The following FGD4 variants were observed in gnomAD, a reference collection of about 807,000 sequenced individuals.
FGD4 encodes the protein FYVE, RhoGEF and PH domain containing 4, also known as FYVE, RhoGEF and PH domain-containing protein 4.
In FGD4, 42 loss-of-function variants were observed where a neutral mutation model predicts 102.0. That is an observed-to-expected ratio of 0.41 (90% CI 0.32 to 0.53). The LOEUF (loss-of-function observed/expected upper bound fraction) is 0.53. Ranked by LOEUF, FGD4 falls within the 20% of genes least tolerant of loss-of-function variation. The probability of loss-of-function intolerance (pLI) is 0.21; values close to 1 mark genes in which losing one functional copy is unlikely to be tolerated. For synonymous variants in FGD4, 380 were observed against 375.7 expected (o/e 1.01, Z -0.13); for missense variants, 902 against 1,078.2 (o/e 0.84, Z 2.29).
rs2136938972 is a variant in FGD4, at chr12:32,625,077, A to G, written c.2046+9A>G. On this transcript the variant is annotated intron_variant, in intron 13 of 16. Transcript: ENST00000534526. Reference sequence around the variant, plus strand: ...TTCACTCAGAGGTTTCTGTGAGTTGAATTAAATTCTTAACTTCAACCTCTT... The same window carrying G: ...TTCACTCAGAGGTTTCTGTGAGTTGGATTAAATTCTTAACTTCAACCTCTT... 1 of 1,607,770 alleles carries G rather than the reference A, an allele frequency of 6.2e-7. No individual in the cohort carries two copies. The highest frequency in any genetic ancestry group is 1.7e-4 in the Middle Eastern group (1 of 6,020).
intron 14 of FGD4, 100 bp from the exon 15 acceptor site, chr12:32,633,449 T>A (rs1004486807): frequency 1.5e-6 from 2 of 1,317,866 alleles, no homozygotes; most frequent in Non-Finnish European, 2.1e-6. Context: ...ATCTGCCTTC[T>A]ATGCTTAACA....
At chr12:32,581,478 T>C (rs903748762) in intron 3 of FGD4, among the ~76,000 whole-genome samples, 1 of 152,132 alleles carries the variant, frequency 6.6e-6, no homozygotes, top group Non-Finnish European at 1.5e-5. Flanking sequence ...GCCTTCCAAA[T>C]AAAAAACTCT....
At chr12:32,459,900 G>A (rs140929404) in intron 1 of FGD4, among the ~76,000 whole-genome samples, 1 of 151,354 alleles carries the variant, frequency 6.6e-6, no homozygotes, top group Non-Finnish European at 1.5e-5. Flanking sequence ...GGAGAGACGT[G>A]GTCTCATGTT....
chr12:32,508,366 T>C (rs963404693), intron 1 of FGD4, among the ~76,000 whole-genome samples: 3 of 152,224 alleles, frequency 2.0e-5, no homozygotes, highest in African/African-American at 7.2e-5. Flanking sequence ...ACTGGCAGTT[T>C]AAATGATGGA....
At chr12:32,625,456 G>A (rs1950100524) in intron 13 of FGD4, among the ~76,000 whole-genome samples, 198 bp from the exon 14 acceptor site, 1 of 151,782 alleles carries the variant, frequency 6.6e-6, no homozygotes, top group African/African-American at 2.4e-5. Flanking sequence ...TTTTAGTAGA[G>A]AGAGGGTTTC....
intron 9 of FGD4, 104 bp downstream of exon 9, chr12:32,610,938 G>A (rs1429929727): frequency 3.0e-6 from 4 of 1,338,922 alleles, no homozygotes; most frequent in South Asian, 2.4e-5. Context: ...AAATAGATGA[G>A]CCAAAAAGAA....
At chr12:32,475,628 G>A (rs567253937) in intron 1 of FGD4, among the ~76,000 whole-genome samples, 1 of 152,322 alleles carries the variant, frequency 6.6e-6, no homozygotes, top group South Asian at 2.1e-4. Context: ...AAACTGTGAT[G>A]ATCCAGCCCA....
chr12:32,527,436 C>CT (rs58360232), intron 1 of FGD4, among the ~76,000 whole-genome samples: 34 of 149,404 alleles, frequency 2.3e-4, no homozygotes, highest in East Asian at 1.4e-3. Flanking sequence ...CCTGGCCAGA[C>CT]TTTTTTTTTT....
rs1215786683 is a variant in FGD4, at chr12:32,511,319, A to G, written c.167-52818A>G. 4 of 152,032 alleles carry G rather than the reference A, an allele frequency of 2.6e-5. No homozygotes were observed. In the East Asian group the frequency reaches 7.7e-4, roughly 29 times the overall value. 9.4% of individuals were successfully genotyped at this position (152,032 alleles called of 1,614,324 possible). A position where few individuals can be genotyped will look rare whatever the true frequency, so the allele number is the denominator to read the frequency against. On this transcript the variant is annotated intron_variant, in intron 1 of 16. Coordinates refer to ENST00000534526, the MANE Select transcript of FGD4 (RefSeq NM_001370298.3). Reference sequence around the variant, plus strand: ...CTTTAGGGCGATCGGTGTGATATATATATATTTTTTGAGACAGAGTCTCGC... The same window carrying G: ...CTTTAGGGCGATCGGTGTGATATATGTATATTTTTTGAGACAGAGTCTCGC...
intron 14 of FGD4, among the ~76,000 whole-genome samples, chr12:32,627,240 C>A (rs2136962401): frequency 6.6e-6 from 1 of 152,062 alleles, no homozygotes; most frequent in African/African-American, 2.4e-5. Context: ...CTGCAACCTC[C>A]ACCTCCCGGG....
At chr12:32,485,011 C>T (rs1047199588) in intron 1 of FGD4, among the ~76,000 whole-genome samples, 15 of 152,240 alleles carry the variant, frequency 9.9e-5, no homozygotes, top group Non-Finnish European at 1.9e-4. Context: ...AAGTGATCCT[C>T]CTGCCTCAGC....
Position 32,642,648 on chromosome 12 carries a change from A to G in FGD4, c.*2115A>G, listed in dbSNP as rs1363806187. 3 of 152,144 alleles carry G rather than the reference A, an allele frequency of 2.0e-5. No individual in the cohort carries two copies. Among genetic ancestry groups the G allele is most frequent in the Non-Finnish European group, 4.4e-5 (3 of 67,958 alleles). 9.4% of individuals were successfully genotyped at this position (152,144 alleles called of 1,614,324 possible). On this transcript the variant is annotated 3_prime_UTR_variant, in exon 17 of 17. Transcript: ENST00000534526. ...TACTCATGTAAAGATAATGTTTATT[A>G]TCATGCTCTTAACAGTCATTATCTT...
Position 32,502,655 on chromosome 12 carries a change from G to A in FGD4, c.167-61482G>A, listed in dbSNP as rs147805653. On this transcript the variant is annotated intron_variant, in intron 1 of 16. Coordinates refer to ENST00000534526, the MANE Select transcript of FGD4 (RefSeq NM_001370298.3). ...TACACTGGTATTCTTTCTGAAATAC[G>A]CCCATGGCCCCAAACGTGTTCAATG... 9.8e-4 allele frequency among the ~76,000 whole-genome samples: 149 copies of A among 152,172 alleles called. 1 individual carries two copies. The Middle Eastern group carries it at 0.034, about 35-fold the overall frequency.
chr12:32,519,119 G>GGAAAAA (rs1555193334), intron 1 of FGD4, among the ~76,000 whole-genome samples: 2 of 73,428 alleles, frequency 2.7e-5, no homozygotes, highest in African/African-American at 1.0e-4. Context: ...TCCGTCTCAG[G>GGAAAAA]AAAAAAAAAA....
At chr12:32,584,897 G>T (rs1321747593) in intron 4 of FGD4, among the ~76,000 whole-genome samples, 1 of 152,054 alleles carries the variant, frequency 6.6e-6, no homozygotes, top group African/African-American at 2.4e-5. Flanking sequence ...GCCCATAGGA[G>T]TGGGAAAATG....
At chr12:32,460,686 G>GGCAA (rs1943080246) in intron 1 of FGD4, among the ~76,000 whole-genome samples, 1 of 152,158 alleles carries the variant, frequency 6.6e-6, no homozygotes, top group African/African-American at 2.4e-5. Context: ...GGCAAAGAAA[G>GGCAA]ATTGGTCATT....
Position 32,576,420 on chromosome 12 carries a change from A to C in FGD4, c.474A>C (p.Ser158=). 1.9e-6 allele frequency: 3 copies of C among 1,614,162 alleles called. No homozygotes were observed. The highest frequency in any genetic ancestry group is 2.5e-6 in the Non-Finnish European group (3 of 1,180,016). Residue 158 remains serine (S), a synonymous_variant, in exon 3 of 17, where the codon TCA becomes TCC. Transcript: ENST00000534526. ...CVSKEKPSKV[S]DLISRFEGGS... ...CAAAAGAAAAACCCAGTAAGGTATC[A>C]GATCTCATCAGTCGCTTTGAAGGAG...
In FGD4 at chr12:32,643,342, G is replaced by A. The variant is rs1030193164; in HGVS notation, c.*2809G>A. On this transcript the variant is annotated 3_prime_UTR_variant, in exon 17 of 17. Transcript: ENST00000534526. ...TTTATACTGAAAATTTAATATGAAG[G>A]CCCCTTCCCACAAGAATATAGATAA... The A allele has an allele frequency of 1.3e-5, 2 of 152,276 alleles. No individual in the cohort carries two copies. Among genetic ancestry groups the A allele is most frequent in the Non-Finnish European group, 2.9e-5 (2 of 67,892 alleles). The allele number at this position is 152,276 out of a possible 1,614,324, so 9.4% of individuals were successfully genotyped here.
intron 1 of FGD4, among the ~76,000 whole-genome samples, chr12:32,497,557 A>G (rs1937896632): frequency 6.6e-6 from 1 of 152,090 alleles, no homozygotes; most frequent in African/African-American, 2.4e-5. Flanking sequence ...CCCGATTAGG[A>G]GAGGTAATTT....
Sources: allele counts gnomAD v4.1 joint callset (sites outside exome capture counted in the v4.1 genomes callset), GRCh38; gene constraint gnomAD v4.1.1; transcripts MANE v1.5; gene names NCBI Gene and HGNC (gene_info 2026-07-23, HGNC 2026-07-21).